Variants in GLB1 observed in about 807,000 individuals in gnomAD.
GLB1 encodes the protein galactosidase beta 1, also known as beta-galactosidase.
GLB1 carries 56 observed loss-of-function variants against 74.0 expected under a neutral mutation model. The observed-to-expected ratio is 0.76, with a 90% CI of 0.61 to 0.94. The LOEUF is 0.94. GLB1 is among the 40% of genes least tolerant of loss of function. The pLI, the probability that GLB1 is intolerant of heterozygous loss-of-function variation, is 0.00. For missense variants in GLB1, 787 were observed against 845.5 expected (o/e 0.93, Z 0.86); for synonymous variants, 323 against 323.6 (o/e 1.00, Z 0.02).
the GLB1 span, among the ~76,000 whole-genome samples, chr3:32,985,337 C>T: frequency 6.6e-6 from 1 of 151,302 alleles, no homozygotes; most frequent in Non-Finnish European, 1.5e-5. Context: ...GTCGCCCAGG[C>T]TGGAGTGTAG....
At chr3:32,968,108 A>AAGAAGGAGGCTG in the GLB1 span, among the ~76,000 whole-genome samples, 1 of 152,324 alleles carries the variant, frequency 6.6e-6, no homozygotes, top group South Asian at 2.1e-4. Flanking sequence ...TCAGGAGGCA[A>AAGAAGGAGGCTG]AGAAGGAGGC....
chr3:33,093,527 C>T lies in GLB1; in HGVS notation c.75+3484G>A. ...TCCTCACAAACATTTCCATCTTGGT[C>T]CTGCCCACTGTGGGGCCCAAGTGAA... On this transcript the variant is annotated intron_variant, in intron 1 of 15. Coordinates refer to ENST00000307363, the MANE Select transcript of GLB1 (RefSeq NM_000404.4). This position sits in a 1 kb window ranked among gnomAD's most constrained non-coding sequence, Gnocchi z 6.0. The T allele has an allele frequency of 6.2e-7, 1 of 1,614,224 alleles. No homozygotes were observed. Among genetic ancestry groups the T allele is most frequent in the Non-Finnish European group, 8.5e-7 (1 of 1,180,050 alleles).
At chr3:33,025,254 CT>C (rs1480647044) in intron 10 of GLB1, among the ~76,000 whole-genome samples, 3 of 152,174 alleles carry the variant, frequency 2.0e-5, no homozygotes, top group Admixed American at 6.5e-5. Flanking sequence ...CACAAATCCT[CT>C]TTTTTTAAAC....
intron 13 of GLB1, 122 bp downstream of exon 13, chr3:33,018,326 A>AAAAAAAAT: frequency 2.5e-6 from 1 of 397,146 alleles, no homozygotes. Flanking sequence ...AAAAAAAAAG[A>AAAAAAAAT]TGATGGGTAG....
chr3:33,087,270 C>T (rs2125575952), intron 1 of GLB1, among the ~76,000 whole-genome samples: 1 of 151,998 alleles, frequency 6.6e-6, no homozygotes, highest in East Asian at 1.9e-4. Flanking sequence ...TTGAATCAGT[C>T]ATCAAAAACC....
chr3:33,004,242 G>C (rs952411429), intron 15 of GLB1, among the ~76,000 whole-genome samples: 6 of 152,210 alleles, frequency 3.9e-5, no homozygotes, highest in African/African-American at 1.4e-4. Flanking sequence ...GCTGGATGAT[G>C]AAAGAGAGAT....
the GLB1 span, among the ~76,000 whole-genome samples, chr3:32,965,577 G>GA: frequency 7.2e-4 from 105 of 146,232 alleles, no homozygotes; most frequent in Middle Eastern, 3.5e-3. Context: ...TAATAGAAAA[G>GA]AAAAAAAAAA....
intron 10 of GLB1, chr3:33,030,286 A>G (rs1371814975): frequency 6.3e-6 from 1 of 159,292 alleles, no homozygotes; most frequent in Non-Finnish European, 1.3e-5. Flanking sequence ...TTTAGATACT[A>G]CACTTGATCT....
chr3:33,023,795 A>C (rs542204977), intron 11 of GLB1, among the ~76,000 whole-genome samples: 1 of 152,274 alleles, frequency 6.6e-6, no homozygotes, highest in East Asian at 1.9e-4. Flanking sequence ...ACAGACCATA[A>C]AAATTAGGAC....
At chr3:32,993,522 A>ATTTTTTTTT (rs746774682), downstream of GLB1, among the ~76,000 whole-genome samples, 4 of 62,286 alleles carry the variant, frequency 6.4e-5, no homozygotes, top group Admixed American at 4.6e-4. Flanking sequence ...CATCCAGCTA[A>ATTTTTTTTT]TTTTTTTTTT....
At chr3:33,024,455 A>T in intron 10 of GLB1, 130 bp from the exon 11 acceptor site, 3 of 984,268 alleles carry the variant, frequency 3.0e-6, no homozygotes, top group Non-Finnish European at 4.5e-6. Flanking sequence ...TGGAAAATCA[A>T]AGGAACTAGA....
chr3:33,016,437 A>G (rs554132901), intron 14 of GLB1, among the ~76,000 whole-genome samples: 1 of 152,230 alleles, frequency 6.6e-6, no homozygotes, highest in East Asian at 1.9e-4. Context: ...GGTCATTTTA[A>G]TCTCCAACTT....
chr3:33,035,832 T>C (rs770845303), intron 10 of GLB1, among the ~76,000 whole-genome samples: 41 of 152,252 alleles, frequency 2.7e-4, no homozygotes, highest in Non-Finnish European at 5.6e-4. Flanking sequence ...CCTCATCCAA[T>C]AGCCATTTTG....
chr3:33,045,245 C>CTTT (rs35949170), intron 10 of GLB1: 23 of 568,704 alleles, frequency 4.0e-5, no homozygotes, highest in South Asian at 7.9e-5. Flanking sequence ...TAGACTCACT[C>CTTT]TTTTTTTTTT....
the GLB1 span, among the ~76,000 whole-genome samples, chr3:32,986,251 G>A: frequency 6.6e-6 from 1 of 152,284 alleles, no homozygotes; most frequent in South Asian, 2.1e-4. Flanking sequence ...TTCCTTTATG[G>A]ATTGGGTCCC....
chr3:33,031,511 G>C (rs945225801), intron 10 of GLB1, among the ~76,000 whole-genome samples: 2 of 148,180 alleles, frequency 1.3e-5, no homozygotes, highest in African/African-American at 5.0e-5. Context: ...ACGTGCATTG[G>C]TGTGCGCTTG....
intron 6 of GLB1, among the ~76,000 whole-genome samples, chr3:33,057,012 C>A (rs1244948263): frequency 6.6e-6 from 1 of 152,186 alleles, no homozygotes; most frequent in Non-Finnish European, 1.5e-5. Flanking sequence ...CCCACCAAAT[C>A]TCATGTCGAA....
chr3:33,074,553 A>C (rs1700038773), intron 1 of GLB1, among the ~76,000 whole-genome samples: 1 of 151,464 alleles, frequency 6.6e-6, no homozygotes, highest in Admixed American at 6.6e-5. Flanking sequence ...TTTTGGGGTC[A>C]CTTCAGGAGC....
the GLB1 span, among the ~76,000 whole-genome samples, chr3:32,985,688 T>G: frequency 6.6e-6 from 1 of 152,104 alleles, no homozygotes; most frequent in African/African-American, 2.4e-5. Flanking sequence ...TGGAATTCTA[T>G]CACTTTTGTG....
Sources: gnomAD v4.1 joint callset for allele counts (sites outside exome capture counted in the v4.1 genomes callset) on GRCh38, gnomAD v4.1.1 for gene constraint, Gnocchi (gnomAD v3.1) non-coding constraint, MANE v1.5 for transcripts, NCBI Gene and HGNC (gene_info 2026-07-23, HGNC 2026-07-21) for gene names.